PDE1A: variants seen among roughly 807,000 people sequenced by gnomAD.
The protein encoded by PDE1A is phosphodiesterase 1A, also known as dual specificity calcium/calmodulin-dependent 3',5'-cyclic nucleotide phosphodiesterase 1A.
In PDE1A, 35 loss-of-function variants were observed where a neutral mutation model predicts 61.7. The observed-to-expected ratio is 0.57, with a 90% confidence interval of 0.43 to 0.75. PDE1A has a LOEUF of 0.75. PDE1A is among the 30% of genes least tolerant of loss of function. The pLI is 0.00. For missense variants in PDE1A, 597 were observed against 630.6 expected (o/e 0.95, Z 0.57); for synonymous variants, 232 against 213.2 (o/e 1.09, Z -0.77).
the PDE1A span, among the ~76,000 whole-genome samples, chr2:182,667,482 G>A: frequency 6.6e-6 from 1 of 152,180 alleles, no homozygotes; most frequent in Non-Finnish European, 1.5e-5. Context: ...CAGAGTGTGG[G>A]TGTTCCCCTC....
intron 2 of PDE1A, among the ~76,000 whole-genome samples, chr2:182,480,188 G>C (rs1687617926): frequency 2.6e-5 from 4 of 151,814 alleles, no homozygotes; most frequent in Admixed American, 1.3e-4. Flanking sequence ...CTACCAAAGA[G>C]AATCCAATAT....
intron 2 of PDE1A, among the ~76,000 whole-genome samples, chr2:182,443,244 G>C (rs956767745): frequency 1.3e-5 from 2 of 150,850 alleles, no homozygotes; most frequent in Non-Finnish European, 3.0e-5. Flanking sequence ...ACTCCCATTT[G>C]CTTAAAAATC....
upstream of PDE1A, among the ~76,000 whole-genome samples, chr2:182,429,398 G>A (rs2125626085): frequency 6.6e-6 from 1 of 151,898 alleles, no homozygotes; most frequent in African/African-American, 2.4e-5. Flanking sequence ...TAAAATATAT[G>A]GCATAAATAA....
chr2:182,582,690 A>G, the PDE1A span, among the ~76,000 whole-genome samples: 1 of 152,202 alleles, frequency 6.6e-6, no homozygotes, highest in African/African-American at 2.4e-5. Flanking sequence ...GCTAAGGTCT[A>G]TATTACAGAA....
intron 1 of PDE1A, among the ~76,000 whole-genome samples, chr2:182,312,594 T>G (rs1696057239): frequency 1.3e-5 from 2 of 152,166 alleles, no homozygotes; most frequent in South Asian, 4.1e-4. Flanking sequence ...TTTGTACCTC[T>G]GTGTAAAAAA....
chr2:182,597,759 G>A, the PDE1A span, among the ~76,000 whole-genome samples: 2 of 152,174 alleles, frequency 1.3e-5, no homozygotes, highest in Admixed American at 6.5e-5. Context: ...GGAAAATGAC[G>A]CAACCTTCAA....
downstream of PDE1A, among the ~76,000 whole-genome samples, chr2:182,167,639 C>A (rs1691724555): frequency 6.6e-6 from 1 of 152,194 alleles, no homozygotes; most frequent in Admixed American, 6.5e-5. Flanking sequence ...CTTTGGTACA[C>A]ACTGGAGACT....
the PDE1A span, among the ~76,000 whole-genome samples, chr2:182,553,900 G>A: frequency 6.6e-6 from 1 of 152,208 alleles, no homozygotes; most frequent in Non-Finnish European, 1.5e-5. Flanking sequence ...GGAATGGTGG[G>A]TGCATGCCGA....
chr2:182,651,153 C>A, the PDE1A span, among the ~76,000 whole-genome samples: 1 of 152,082 alleles, frequency 6.6e-6, no homozygotes, highest in Non-Finnish European at 1.5e-5. Flanking sequence ...ATTACAGGCA[C>A]CTGCCATCAC....
At chr2:182,229,627 CTAAGGTCAGGTTAGGAG>C (rs1559222945) in intron 6 of PDE1A, among the ~76,000 whole-genome samples, 1 of 152,090 alleles carries the variant, frequency 6.6e-6, no homozygotes, top group South Asian at 2.1e-4. Flanking sequence ...GCAAAAGCGA[CTAAGGTCAGGTTAGGAG>C]CACATAAGGA....
the PDE1A span, among the ~76,000 whole-genome samples, chr2:182,541,382 C>T: frequency 2.6e-5 from 4 of 152,174 alleles, no homozygotes; most frequent in Non-Finnish European, 4.4e-5. Context: ...TTAAGATAAG[C>T]TTAGATCTAT....
At chr2:182,270,635 T>G (rs1692950113) in intron 1 of PDE1A, among the ~76,000 whole-genome samples, 1 of 151,114 alleles carries the variant, frequency 6.6e-6, no homozygotes, top group South Asian at 2.1e-4. Context: ...GTGATCTGAT[T>G]GAAATACAAA....
the PDE1A span, among the ~76,000 whole-genome samples, chr2:182,599,856 T>C: frequency 6.6e-6 from 1 of 152,226 alleles, no homozygotes; most frequent in Non-Finnish European, 1.5e-5. Context: ...ATGTAATATC[T>C]GATTAGATTG....
the PDE1A span, among the ~76,000 whole-genome samples, chr2:182,679,638 G>T: frequency 2.0e-5 from 3 of 151,834 alleles, no homozygotes; most frequent in Non-Finnish European, 2.9e-5. Flanking sequence ...AAAATCCTCC[G>T]TGAGAAAAAG....
the PDE1A span, among the ~76,000 whole-genome samples, chr2:182,562,896 G>C: frequency 6.6e-6 from 1 of 152,160 alleles, no homozygotes; most frequent in Non-Finnish European, 1.5e-5. Context: ...GGGATCAGTG[G>C]TGATATCCCC....
At position 182,438,892 on chromosome 2, in the gene PDE1A, T is replaced by A. The variant is rs543602843; in HGVS notation, c.101+83384A>T. Among the ~76,000 whole-genome samples, 5 of 152,110 alleles carry A rather than the reference T, an allele frequency of 3.3e-5. No individual in the cohort carries two copies. In the East Asian group the frequency reaches 9.7e-4, roughly 29 times the overall value. ...TGTCACTGAACAATGTAGAAAATAT[T>A]TTTTAGGATTACAAGTATGGGTATA... is the stretch of plus-strand genomic sequence containing the variant. On this transcript the variant is annotated intron_variant, in intron 2 of 14. Coordinates refer to the PDE1A transcript ENST00000410103.
At chr2:182,633,919 C>T in the PDE1A span, among the ~76,000 whole-genome samples, 2 of 151,682 alleles carry the variant, frequency 1.3e-5, no homozygotes, top group Non-Finnish European at 2.9e-5. Context: ...CCCTGCTCTA[C>T]CAAAAACAAA....
intron 2 of PDE1A, among the ~76,000 whole-genome samples, chr2:182,434,529 T>C (rs1170018986): frequency 1.3e-5 from 2 of 152,036 alleles, no homozygotes; most frequent in East Asian, 3.9e-4. Flanking sequence ...GAAAGCTAAC[T>C]GAAAATGAAG....
chr2:182,479,809 C>G (rs1348789214), intron 2 of PDE1A, among the ~76,000 whole-genome samples: 1 of 151,688 alleles, frequency 6.6e-6, no homozygotes, highest in East Asian at 1.9e-4. Flanking sequence ...CTTGCTTTTA[C>G]TTATTTTATT....
Sources: allele counts gnomAD v4.1 joint callset (sites outside exome capture counted in the v4.1 genomes callset), GRCh38; gene constraint gnomAD v4.1.1; transcripts MANE v1.5; gene names NCBI Gene and HGNC (gene_info 2026-07-23, HGNC 2026-07-21).